The following CTSZ variants were observed in gnomAD, a reference collection of about 807,000 sequenced individuals.
CTSZ encodes cathepsin Z.
In CTSZ, 39 loss-of-function variants were observed where a neutral mutation model predicts 32.4. The observed-to-expected ratio is 1.20, with a 90% confidence interval of 0.93 to 1.57. The LOEUF (loss-of-function observed/expected upper bound fraction) is 1.57. Among genes scored for constraint, CTSZ ranks in the 40% most tolerant of loss-of-function variants. The probability of loss-of-function intolerance (pLI) is 0.00; values close to 1 mark genes in which losing one functional copy is unlikely to be tolerated. For missense variants in CTSZ, 397 were observed against 419.6 expected (o/e 0.95, Z 0.47); for synonymous variants, 168 against 170.1 (o/e 0.99, Z 0.10).
rs2091900335 is a variant in CTSZ, at chr20:59,004,165, C to G, written c.307+2157G>C. On this transcript the variant is annotated intron_variant, in intron 2 of 5. Coordinates refer to ENST00000217131, the MANE Select transcript of CTSZ (RefSeq NM_001336.4). The surrounding 1 kb of genome is among the most constrained non-coding windows in gnomAD (Gnocchi z 5.6). The stretch of plus-strand genomic sequence containing the variant: ...GAGGACTGGGGAAGAAATGGGCTGT[C>G]AGGTGACAGTAGTGGAAGGAGCCAT... 6.6e-6 allele frequency among the ~76,000 whole-genome samples: 1 copy of G among 152,142 alleles called. No individual in the cohort carries two copies. Among genetic ancestry groups the G allele is most frequent in the Non-Finnish European group, 1.5e-5 (1 of 68,018 alleles).
At chr20:59,006,654 T>A (rs57276474) in intron 1 of CTSZ, among the ~76,000 whole-genome samples, 169 bp from the exon 2 acceptor site, 2,866 of 152,210 alleles carry the variant, frequency 0.019, 91 homozygotes, top group African/African-American at 0.065. Context: ...ACTAGGAGGC[T>A]CCAGCGCTCT....
intron 3 of CTSZ, among the ~76,000 whole-genome samples, chr20:58,998,191 G>C (rs1036541254): frequency 6.6e-6 from 1 of 151,614 alleles, no homozygotes; most frequent in Admixed American, 6.6e-5. Flanking sequence ...TGCCCACGCT[G>C]AGGGGACCAA....
At chr20:59,006,919 G>T in intron 1 of CTSZ, 67 bp downstream of exon 1, 1 of 1,300,214 alleles carries the variant, frequency 7.7e-7, no homozygotes, top group Non-Finnish European at 9.9e-7. Context: ...CCAGGAGGCA[G>T]AGCGCGCGCC....
Position 59,006,977 on chromosome 20 carries a change from G to A in CTSZ, c.143+9C>T, listed in dbSNP as rs1018273386. On this transcript the variant is annotated intron_variant, in intron 1 of 5. Coordinates refer to ENST00000217131, the MANE Select transcript of CTSZ (RefSeq NM_001336.4). ...GTCCCCCCAGGGCTGCCTCCCCGCC[G>A]GTGCCCACCTGCGCCCCAGCGGAGC... 7.0e-7 allele frequency: 1 copy of A among 1,430,550 alleles called. No individual in the cohort carries two copies. Among genetic ancestry groups the A allele is most frequent in the South Asian group, 1.4e-5 (1 of 70,396 alleles). The allele number at this position is 1,430,550 out of a possible 1,614,324, so 88.6% of individuals were successfully genotyped here.
At position 59,006,223 on chromosome 20, in the gene CTSZ, A is replaced by T. The variant is rs2091908122; in HGVS notation, c.307+99T>A. ...CCCAGCCCAGGCTGACCTGGCCTTG[A>T]ATCACAGGCCCCTGGAACCGCGGGC... On this transcript the variant is annotated intron_variant, in intron 2 of 5. Coordinates refer to ENST00000217131, the MANE Select transcript of CTSZ (RefSeq NM_001336.4). The T allele has an allele frequency of 2.1e-6, 3 of 1,426,330 alleles. No homozygotes were observed. The African/African-American group carries it at 4.3e-5, about 20-fold the overall frequency. 88.4% of individuals were successfully genotyped at this position (1,426,330 alleles called of 1,614,324 possible). A position where few individuals can be genotyped will look rare whatever the true frequency, so the allele number is the denominator to read the frequency against.
At chr20:58,998,557 A>AAAGG (rs2091872678) in intron 3 of CTSZ, among the ~76,000 whole-genome samples, 4 of 97,878 alleles carry the variant, frequency 4.1e-5, no homozygotes, top group Admixed American at 1.0e-4. Flanking sequence ...AAAAAAAAAG[A>AAAGG]AAGAAAGAAA....
chr20:59,006,985 C>A lies in CTSZ; in HGVS notation c.143+1G>T. On this transcript the variant is annotated splice_donor_variant, in intron 1 of 5. Coordinates refer to ENST00000217131, the MANE Select transcript of CTSZ (RefSeq NM_001336.4). LOFTEE classifies it high-confidence loss of function. Reference sequence around the variant, plus strand: ...AGGGCTGCCTCCCCGCCGGTGCCCACCTGCGCCCCAGCGGAGCCAGCCCGT... The same window carrying A: ...AGGGCTGCCTCCCCGCCGGTGCCCAACTGCGCCCCAGCGGAGCCAGCCCGT... The A allele has an allele frequency of 6.9e-7, 1 of 1,452,796 alleles. No homozygotes were observed. The highest frequency in any genetic ancestry group is 9.0e-7 in the Non-Finnish European group (1 of 1,110,054). The allele number at this position is 1,452,796 out of a possible 1,614,324, so 90.0% of individuals were successfully genotyped here. A position where few individuals can be genotyped will look rare whatever the true frequency, so the allele number is the denominator to read the frequency against.
chr20:59,000,523 A>C (rs1486302727), intron 3 of CTSZ, among the ~76,000 whole-genome samples: 1 of 152,194 alleles, frequency 6.6e-6, no homozygotes, highest in South Asian at 2.1e-4. Context: ...GCTCATCCAC[A>C]CAGCACCCCC....
chr20:58,997,486 C>T (rs955808131), intron 4 of CTSZ, 117 bp downstream of exon 4: 1 of 1,045,916 alleles, frequency 9.6e-7, no homozygotes, highest in Non-Finnish European at 1.3e-6. Flanking sequence ...TGAGCACCGA[C>T]ATGAGCCCAC....
In CTSZ at chr20:58,997,669, C is replaced by T. The variant is rs1278801117; in HGVS notation, c.572G>A (p.Gly191Glu). Residue 191 changes from glycine to glutamate, a missense_variant, in exon 4 of 6, where the codon GGA (glycine) becomes GAA (glutamate). By Grantham distance (98) the Gly-to-Glu change is moderately conservative (BLOSUM62 -2). Coordinates refer to ENST00000217131, the MANE Select transcript of CTSZ (RefSeq NM_001336.4). ...CCTCCCAGAGAGGGAGCCGTAGTCT[C>T]CCACCCTCCAGAGGGTGTAGTTCCG... ...AIRNYTLWRV[G>E]DYGSLSGREK... The T allele has an allele frequency of 6.2e-7, 1 of 1,609,970 alleles. No individual in the cohort carries two copies. Among genetic ancestry groups the T allele is most frequent in the African/African-American group, 1.3e-5 (1 of 74,992 alleles).
chr20:58,996,558 C>T (rs773559652), intron 5 of CTSZ, 81 bp downstream of exon 5: 25 of 1,481,100 alleles, frequency 1.7e-5, no homozygotes, highest in South Asian at 5.7e-5. Flanking sequence ...TTTAGCTAAA[C>T]GTAAACAGAA....
In CTSZ at chr20:59,004,890, G is replaced by T. The variant is rs1264752821; in HGVS notation, c.307+1432C>A. On this transcript the variant is annotated intron_variant, in intron 2 of 5. Coordinates refer to ENST00000217131, the MANE Select transcript of CTSZ (RefSeq NM_001336.4). The surrounding 1 kb of genome is among the most constrained non-coding windows in gnomAD (Gnocchi z 5.6). ...GCGGCAGGGCTGACCCCTGGCCAGG[G>T]TCCCACATCCATCTGAAAGCCATCT... Among the ~76,000 whole-genome samples, 2 of 151,976 alleles carry T rather than the reference G, an allele frequency of 1.3e-5. No homozygotes were observed. The highest frequency in any genetic ancestry group is 4.8e-5 in the African/African-American group (2 of 41,326).
At position 59,001,640 on chromosome 20, in the gene CTSZ, C is replaced by G; in HGVS notation, c.312G>C (p.Arg104=). The change falls in exon 3 of 6, where the codon CGG becomes CGC. Residue 104 remains arginine, a synonymous_variant. Coordinates refer to ENST00000217131, the MANE Select transcript of CTSZ (RefSeq NM_001336.4). ...ACGCTCCCTTCCTCTTGATGTTGATCCGATCTGCAACAGTCAGCACCTGCC... is the reference window on the plus strand; with the variant it reads ...ACGCTCCCTTCCTCTTGATGTTGATGCGATCTGCAACAGTCAGCACCTGCC... ...AHASTSAMAD[R]INIKRKGAWP... The G allele has an allele frequency of 6.2e-7, 1 of 1,613,328 alleles. No individual in the cohort carries two copies. Among genetic ancestry groups the G allele is most frequent in the Non-Finnish European group, 8.5e-7 (1 of 1,179,512 alleles).
Position 59,001,703 on chromosome 20 carries a change from C to G in CTSZ, c.308-59G>C, listed in dbSNP as rs575897829. 2.0e-5 allele frequency: 31 copies of G among 1,554,962 alleles called. No individual in the cohort carries two copies. In the Middle Eastern group the frequency reaches 5.3e-4, roughly 27 times the overall value. ...CCCACTCTCCACCCACTTCCCCGAA[C>G]GGACCTGGACGCCTCAGGCGGGATG... On this transcript the variant is annotated intron_variant, in intron 2 of 5. Coordinates refer to ENST00000217131, the MANE Select transcript of CTSZ (RefSeq NM_001336.4).
intron 5 of CTSZ, among the ~76,000 whole-genome samples, chr20:58,996,178 ATT>A (rs1569061858): frequency 6.6e-6 from 1 of 152,148 alleles, no homozygotes; most frequent in Non-Finnish European, 1.5e-5. Flanking sequence ...CTGGCAGTTA[ATT>A]TCTCTCTCCT....
chr20:58,998,666 T>C (rs118030951), intron 3 of CTSZ, among the ~76,000 whole-genome samples: 2,504 of 152,304 alleles, frequency 0.016, 30 homozygotes, highest in Non-Finnish European at 0.024. Context: ...GAGACCAGCC[T>C]GGACAACAGA....
intron 2 of CTSZ, among the ~76,000 whole-genome samples, chr20:59,003,074 G>C (rs1174930089): frequency 6.6e-6 from 1 of 152,138 alleles, no homozygotes; most frequent in Non-Finnish European, 1.5e-5. Context: ...ACTGTCATCC[G>C]AGCTGACCAC....
chr20:59,005,478 C>T (rs147938614), intron 2 of CTSZ, among the ~76,000 whole-genome samples: 9 of 152,344 alleles, frequency 5.9e-5, no homozygotes, highest in South Asian at 2.1e-4. Flanking sequence ...CACACGCAAA[C>T]GCATGTCCCC....
At position 58,997,657 on chromosome 20, in the gene CTSZ, G is replaced by A. The variant is rs775276969; in HGVS notation, c.584C>T (p.Ser195Phe). Reference sequence around the variant, plus strand: ...CATCATCTTCTCCCTCCCAGAGAGGGAGCCGTAGTCTCCCACCCTCCAGAG... The same window carrying A: ...CATCATCTTCTCCCTCCCAGAGAGGAAGCCGTAGTCTCCCACCCTCCAGAG... ...YTLWRVGDYG[S>F]LSGREKMMAE... Residue 195 changes from serine (S) to phenylalanine (F), a missense_variant, in exon 4 of 6, where the codon TCC becomes TTC. Ser to Phe is a radical substitution (Grantham distance 155). Coordinates refer to ENST00000217131, the MANE Select transcript of CTSZ (RefSeq NM_001336.4). 1.2e-6 allele frequency: 2 copies of A among 1,609,370 alleles called. No individual in the cohort carries two copies. Among genetic ancestry groups the A allele is most frequent in the South Asian group, 1.1e-5 (1 of 89,820 alleles).
Sources: gnomAD v4.1 joint callset for allele counts (sites outside exome capture counted in the v4.1 genomes callset) on GRCh38, gnomAD v4.1.1 for gene constraint, Gnocchi (gnomAD v3.1) non-coding constraint, MANE v1.5 for transcripts, NCBI Gene and HGNC (gene_info 2026-07-23, HGNC 2026-07-21) for gene names.